PHACTR1: variants seen among roughly 807,000 people sequenced by gnomAD.
The protein encoded by PHACTR1 is RPEL repeat containing 1.
In PHACTR1, 16 loss-of-function variants were observed where a neutral mutation model predicts 69.2. The ratio of observed to expected loss-of-function variants is 0.23; its 90% confidence interval spans 0.16 to 0.35. The LOEUF is 0.35. Among genes scored for constraint, PHACTR1 ranks in the 10% least tolerant of loss-of-function variants. The probability of loss-of-function intolerance (pLI) is 1.00; values close to 1 mark genes in which losing one functional copy is unlikely to be tolerated. For synonymous variants in PHACTR1, 312 were observed against 284.5 expected (o/e 1.10, Z -0.97); for missense variants, 510 against 734.7 (o/e 0.69, Z 3.54).
At chr6:12,980,646 G>A (rs1795409676) in intron 4 of PHACTR1, among the ~76,000 whole-genome samples, 1 of 151,882 alleles carries the variant, frequency 6.6e-6, no homozygotes. Context: ...AGGATAGGAT[G>A]GAGTGGGCAG....
At chr6:13,153,215 A>T (rs749939844) in intron 5 of PHACTR1, among the ~76,000 whole-genome samples, 5 of 152,210 alleles carry the variant, frequency 3.3e-5, no homozygotes, top group Non-Finnish European at 7.3e-5. Flanking sequence ...GTGCATGGTG[A>T]ATACACAGTG....
intron 5 of PHACTR1, among the ~76,000 whole-genome samples, chr6:13,151,714 A>G (rs1481157649): frequency 1.3e-5 from 2 of 152,124 alleles, no homozygotes; most frequent in Non-Finnish European, 2.9e-5. Context: ...ACATGCATAG[A>G]ATGATTTCAT....
At chr6:12,930,520 G>A (rs13200037) in intron 4 of PHACTR1, among the ~76,000 whole-genome samples, 2,633 of 152,258 alleles carry the variant, frequency 0.017, 46 homozygotes, top group Non-Finnish European at 0.025. Context: ...TGCCCTCAGT[G>A]TTAACTTGTT....
intron 6 of PHACTR1, among the ~76,000 whole-genome samples, chr6:13,166,527 GT>G (rs1759836652): frequency 6.6e-6 from 1 of 152,118 alleles, no homozygotes; most frequent in Non-Finnish European, 1.5e-5. Flanking sequence ...ACATGACTTG[GT>G]TTATTCACTG....
At chr6:13,211,838 A>G (rs147765227) in intron 8 of PHACTR1, among the ~76,000 whole-genome samples, 1 of 152,046 alleles carries the variant, frequency 6.6e-6, no homozygotes, top group African/African-American at 2.4e-5. Flanking sequence ...GCCCATCCCC[A>G]CTACAACAGC....
chr6:12,786,100 C>T (rs1197493462), intron 4 of PHACTR1, among the ~76,000 whole-genome samples: 1 of 152,224 alleles, frequency 6.6e-6, no homozygotes, highest in African/African-American at 2.4e-5. Context: ...ATTAGAAAGA[C>T]TGCATATTCT....
intron 4 of PHACTR1, among the ~76,000 whole-genome samples, chr6:12,826,220 T>C (rs1561919324): frequency 6.6e-6 from 1 of 152,202 alleles, no homozygotes. Context: ...TGGAAAGGAA[T>C]TGAGAGCTTA....
At chr6:12,865,556 A>G (rs1781374742) in intron 4 of PHACTR1, among the ~76,000 whole-genome samples, 2 of 151,900 alleles carry the variant, frequency 1.3e-5, no homozygotes, top group East Asian at 1.9e-4. Context: ...ACTCTCTTTA[A>G]TGGGCACCTT....
At chr6:13,184,958 C>T (rs774173567) in intron 7 of PHACTR1, 10 of 1,366,594 alleles carry the variant, frequency 7.3e-6, no homozygotes, top group South Asian at 2.3e-5. Flanking sequence ...AAGCAGCCCC[C>T]GGCCCTGCCT....
chr6:12,975,092 A>G (rs968239724), intron 4 of PHACTR1, among the ~76,000 whole-genome samples: 2 of 152,176 alleles, frequency 1.3e-5, no homozygotes, highest in Non-Finnish European at 2.9e-5. Flanking sequence ...GGGCCGAGGG[A>G]GTGCTGACTC....
In PHACTR1 at chr6:12,761,643, C is replaced by A. The variant is rs571278187; in HGVS notation, c.250+11853C>A. ...CCTACTAGGACCATGTGATTTGCCACGTAGGCTGCTAGTCCAACTTAGCCC... is the reference window on the plus strand; with the variant it reads ...CCTACTAGGACCATGTGATTTGCCAAGTAGGCTGCTAGTCCAACTTAGCCC... On this transcript the variant is annotated intron_variant, in intron 4 of 14. Coordinates refer to ENST00000332995, the MANE Select transcript of PHACTR1 (RefSeq NM_030948.6). 3.6e-4 allele frequency among the ~76,000 whole-genome samples: 55 copies of A among 152,312 alleles called. 1 individual carries two copies. Among genetic ancestry groups the A allele is most frequent in the Admixed American group, 1.4e-3 (21 of 15,302 alleles).
At chr6:13,006,760 C>G (rs1798850975) in intron 4 of PHACTR1, among the ~76,000 whole-genome samples, 1 of 152,190 alleles carries the variant, frequency 6.6e-6, no homozygotes, top group Admixed American at 6.5e-5. Context: ...CAGCATGACA[C>G]AACACAAGTT....
intron 5 of PHACTR1, among the ~76,000 whole-genome samples, chr6:13,157,139 A>G (rs950476830): frequency 4.6e-5 from 7 of 152,084 alleles, no homozygotes; most frequent in Admixed American, 3.3e-4. Flanking sequence ...CTGCAGCCAC[A>G]CCAGCTTTCT....
intron 5 of PHACTR1, among the ~76,000 whole-genome samples, chr6:13,136,443 G>A: frequency 6.6e-6 from 1 of 152,298 alleles, no homozygotes; most frequent in African/African-American, 2.4e-5. Context: ...TCAGTCTTTG[G>A]CTTAAGGGAA....
chr6:12,968,884 A>AAAAG (rs141696185), intron 4 of PHACTR1, among the ~76,000 whole-genome samples: 3,383 of 152,226 alleles, frequency 0.022, 137 homozygotes, highest in African/African-American at 0.079. Flanking sequence ...CTTCTTTTAA[A>AAAAG]AAAGAAAGAA....
intron 5 of PHACTR1, among the ~76,000 whole-genome samples, chr6:13,139,952 T>C (rs555889118): frequency 6.6e-6 from 1 of 152,310 alleles, no homozygotes; most frequent in South Asian, 2.1e-4. Flanking sequence ...AAAGGAGGAC[T>C]TTAGTTTGTA....
At chr6:13,100,554 C>T (rs970768676) in intron 5 of PHACTR1, among the ~76,000 whole-genome samples, 2 of 152,174 alleles carry the variant, frequency 1.3e-5, no homozygotes, top group African/African-American at 4.8e-5. Context: ...TCAGTTATTC[C>T]TCTCTTACCT....
chr6:12,813,230 ATG>A (rs1775216445), intron 4 of PHACTR1, among the ~76,000 whole-genome samples: 1 of 152,212 alleles, frequency 6.6e-6, no homozygotes, highest in African/African-American at 2.4e-5. Context: ...ATTTTTATAA[ATG>A]TGTGTTGTCT....
chr6:13,005,947 A>C, intron 4 of PHACTR1, among the ~76,000 whole-genome samples: 1 of 152,080 alleles, frequency 6.6e-6, no homozygotes, highest in Non-Finnish European at 1.5e-5. Flanking sequence ...CCAATGTTAC[A>C]TTATCCTATT....
Sources: gnomAD v4.1 joint callset for allele counts (sites outside exome capture counted in the v4.1 genomes callset) on GRCh38, gnomAD v4.1.1 for gene constraint, MANE v1.5 for transcripts, NCBI Gene and HGNC (gene_info 2026-07-23, HGNC 2026-07-21) for gene names.